The following CR2 variants were observed in gnomAD, a reference collection of about 807,000 sequenced individuals.
The protein encoded by CR2 is complement receptor type 2.
CR2 carries 96 observed loss-of-function variants against 123.0 expected under a neutral mutation model. The ratio of observed to expected loss-of-function variants is 0.78; its 90% CI spans 0.66 to 0.93. The LOEUF (loss-of-function observed/expected upper bound fraction) is 0.93. CR2 is among the 40% of genes least tolerant of loss of function. CR2 has a pLI of 0.00. For synonymous variants in CR2, 484 were observed against 469.5 expected, an observed-to-expected ratio of 1.03 and a Z score of -0.40; for missense variants, 1,258 against 1,361.0, an observed-to-expected ratio of 0.92 and a Z score of 1.19.
rs1416528661 is a variant in CR2 at position 207,457,278 on chromosome 1, C to G, written c.58+2802C>G. On this transcript the variant is annotated intron_variant, in intron 1 of 19. Coordinates refer to ENST00000367057, the MANE Select transcript of CR2 (RefSeq NM_001006658.3). ...CCTCCTATAACAATGAAAGAAGTATCCATTCTGCTGACAAATTCAGCTCCT... is the reference window on the plus strand; with the variant it reads ...CCTCCTATAACAATGAAAGAAGTATGCATTCTGCTGACAAATTCAGCTCCT... 2.0e-5 allele frequency among the ~76,000 whole-genome samples: 3 copies of G among 152,342 alleles called. No individual in the cohort carries two copies. In the East Asian group the frequency reaches 5.8e-4, roughly 29 times the overall value.
chr1:207,481,660 C>G (rs1229933089), intron 18 of CR2, among the ~76,000 whole-genome samples: 3 of 152,052 alleles, frequency 2.0e-5, no homozygotes, highest in Non-Finnish European at 4.4e-5. Flanking sequence ...TCACTATTTC[C>G]TTCCAGAAAT....
chr1:207,486,801 G>A (rs975620876), intron 19 of CR2, among the ~76,000 whole-genome samples: 1 of 152,184 alleles, frequency 6.6e-6, no homozygotes, highest in Non-Finnish European at 1.5e-5. Context: ...CTAAGCAACT[G>A]GAAGGATAGA....
chr1:207,474,153 G>T, intron 12 of CR2, 88 bp from the exon 13 acceptor site: 1 of 1,169,740 alleles, frequency 8.5e-7, no homozygotes. Context: ...CTCTGCCAAA[G>T]TTCTTATTTA....
chr1:207,487,285 T>A (rs1172520069), intron 19 of CR2, among the ~76,000 whole-genome samples: 4 of 152,100 alleles, frequency 2.6e-5, no homozygotes, highest in African/African-American at 9.7e-5. Flanking sequence ...AGTAGCACAA[T>A]TTTTTTGCTG....
intron 15 of CR2, among the ~76,000 whole-genome samples, chr1:207,476,905 T>C (rs561045230): frequency 6.6e-6 from 1 of 152,388 alleles, no homozygotes; most frequent in East Asian, 1.9e-4. Context: ...GAACACTTTT[T>C]ACTCTATGCC....
At chr1:207,487,817 A>G (rs1033782538) in intron 19 of CR2, among the ~76,000 whole-genome samples, 65 of 152,292 alleles carry the variant, frequency 4.3e-4, no homozygotes, top group African/African-American at 1.4e-3. Flanking sequence ...GGGCTTAGTA[A>G]CAGGAGGGAG....
At chr1:207,463,330 G>A (rs148752694) in intron 1 of CR2, among the ~76,000 whole-genome samples, 4 of 152,074 alleles carry the variant, frequency 2.6e-5, no homozygotes, top group Non-Finnish European at 5.9e-5. Flanking sequence ...CTGAGTAATT[G>A]CCACATACTT....
intron 18 of CR2, among the ~76,000 whole-genome samples, chr1:207,481,956 T>A (rs920913081): frequency 6.6e-6 from 1 of 152,056 alleles, no homozygotes; most frequent in Admixed American, 6.5e-5. Flanking sequence ...ACCTCATATC[T>A]ACCGATTATA....
At chr1:207,458,268 C>T (rs1163744548) in intron 1 of CR2, among the ~76,000 whole-genome samples, 1 of 113,518 alleles carries the variant, frequency 8.8e-6, no homozygotes, top group Non-Finnish European at 1.8e-5. Flanking sequence ...CAATCCTTTG[C>T]CAAGCTTCAT....
Position 207,468,541 on chromosome 1 carries a change from T to A in CR2, c.460T>A (p.Cys154Ser). 1 of 1,613,910 alleles carries A rather than the reference T, an allele frequency of 6.2e-7. No homozygotes were observed. The highest frequency in any genetic ancestry group is 8.5e-7 in the Non-Finnish European group (1 of 1,179,890). The stretch of plus-strand genomic sequence containing the variant: ...TGTGTGTAAAGTTTTCCCTCTCGAG[T>A]GTCCAGCACTTCCTATGATCCACAA... ...PTCVSVFPLE[C>S]PALPMIHNGH... Residue 154 changes from cysteine to serine, a missense_variant, in exon 3 of 20, where the codon TGT (cysteine) becomes AGT (serine). Physicochemically the swap from Cys to Ser is moderately radical, Grantham distance 112. Transcript: ENST00000367057.
At position 207,470,022 on chromosome 1, in the gene CR2, G is replaced by C. The variant is rs1013462010; in HGVS notation, c.1145G>C (p.Gly382Ala). 3 of 1,613,920 alleles carry C rather than the reference G, an allele frequency of 1.9e-6. No homozygotes were observed. The highest frequency in any genetic ancestry group is 1.7e-6 in the Non-Finnish European group (2 of 1,179,918). Residue 382 changes from glycine (G) to alanine (A), a missense_variant, in exon 6 of 20, where the codon GGC (glycine) becomes GCC (alanine). Coordinates refer to ENST00000367057, the MANE Select transcript of CR2 (RefSeq NM_001006658.3). ...ACTGTGATATTTGCTTGCATGTTTG[G>C]CTTCACCTTGAAGGGCAGCAAGCAA... is the stretch of plus-strand genomic sequence containing the variant. Reference protein sequence around the residue: ...NDTVIFACMFGFTLKGSKQIR... With the variant: ...NDTVIFACMFAFTLKGSKQIR...
chr1:207,460,571 T>C (rs1296225466), intron 1 of CR2, among the ~76,000 whole-genome samples: 1 of 152,142 alleles, frequency 6.6e-6, no homozygotes, highest in Non-Finnish European at 1.5e-5. Context: ...AGTACTTTCT[T>C]TTTTTGCCTG....
At chr1:207,476,213 C>T (rs1658433048) in intron 14 of CR2, 21 bp from the exon 15 acceptor site, 2 of 1,611,604 alleles carry the variant, frequency 1.2e-6, no homozygotes, top group African/African-American at 2.7e-5. Flanking sequence ...AGTTAAAGAC[C>T]CTTTCTTATT....
Position 207,476,362 on chromosome 1 carries a change from G to A in CR2, c.2845G>A (p.Ala949Thr), listed in dbSNP as rs777164977. The A allele has an allele frequency of 1.2e-6, 2 of 1,613,932 alleles. No individual in the cohort carries two copies. The highest frequency in any genetic ancestry group is 1.7e-5 in the Admixed American group (1 of 59,984). ...CCAAGGCTACCTGCTGGTGGGAGAGGCACTCCTTCTTTGCACACATGAGGG... is the reference window on the plus strand; with the variant it reads ...CCAAGGCTACCTGCTGGTGGGAGAGACACTCCTTCTTTGCACACATGAGGG... ...CDQGYLLVGE[A>T]LLLCTHEGTW... The change falls in exon 15 of 20, where the codon GCA becomes ACA. Residue 949 changes from alanine (A) to threonine (T), a missense_variant. Physicochemically the swap from Ala to Thr is moderately conservative, Grantham distance 58. Transcript: ENST00000367057.
intron 14 of CR2, among the ~76,000 whole-genome samples, 196 bp downstream of exon 14, chr1:207,475,412 C>A (rs1057098172): frequency 6.6e-6 from 1 of 152,166 alleles, no homozygotes; most frequent in Non-Finnish European, 1.5e-5. Context: ...GTATATTGAG[C>A]AATAAATAGT....
intron 14 of CR2, 69 bp downstream of exon 14, chr1:207,475,285 A>C: frequency 1.3e-6 from 2 of 1,544,576 alleles, no homozygotes; most frequent in Non-Finnish European, 1.8e-6. Flanking sequence ...TTGAATCTGC[A>C]CTTGACATTC....
At position 207,473,575 on chromosome 1, in the gene CR2, G is replaced by A; in HGVS notation, c.2009G>A (p.Gly670Asp). The A allele has an allele frequency of 6.2e-7, 1 of 1,613,918 alleles. No individual in the cohort carries two copies. The highest frequency in any genetic ancestry group is 8.5e-7 in the Non-Finnish European group (1 of 1,179,852). ...CAGTCACCTCCTGGGCTCCACCATG[G>A]TCGTCATACAGGTGGAAATACGGTC... ...GCQSPPGLHH[G>D]RHTGGNTVFF... Residue 670 changes from glycine (G) to aspartate (D), a missense_variant, in exon 11 of 20, where the codon GGT becomes GAT. By Grantham distance (94) the Gly-to-Asp change is moderately conservative. Coordinates refer to ENST00000367057, the MANE Select transcript of CR2 (RefSeq NM_001006658.3).
chr1:207,458,096 A>ACACACACACACACACT (rs1231651198), intron 1 of CR2, among the ~76,000 whole-genome samples: 1 of 151,154 alleles, frequency 6.6e-6, no homozygotes, highest in Non-Finnish European at 1.5e-5. Flanking sequence ...ACACACACAC[A>ACACACACACACACACT]CACTCCTTTT....
chr1:207,476,285 G>A lies in CR2; in HGVS notation c.2768G>A (p.Gly923Asp). Residue 923 changes from glycine to aspartate, a missense_variant, in exon 15 of 20, where the codon GGT becomes GAT. By Grantham distance (94) the Gly-to-Asp change is moderately conservative. Transcript: ENST00000367057. The part of the protein sequence containing the change: ...PPKTPNGNHT[G>D]GNIARFSPGM... ...AAGACCCCTAACGGGAACCATACTG[G>A]TGGAAACATAGCTCGATTTTCTCCT... 2 of 1,613,938 alleles carry A rather than the reference G, an allele frequency of 1.2e-6. No individual in the cohort carries two copies. The highest frequency in any genetic ancestry group is 1.7e-4 in the Middle Eastern group (1 of 6,054).
Sources: gnomAD v4.1 joint callset for allele counts (sites outside exome capture counted in the v4.1 genomes callset) on GRCh38, gnomAD v4.1.1 for gene constraint, MANE v1.5 for transcripts, NCBI Gene and HGNC (gene_info 2026-07-23, HGNC 2026-07-21) for gene names.